The following ASMTL variants were observed in gnomAD, a reference collection of about 807,000 sequenced individuals.
ASMTL encodes the protein probable bifunctional dTTP/UTP pyrophosphatase/methyltransferase protein.
In ASMTL, 57 loss-of-function variants were observed where a neutral mutation model predicts 60.3. That is an observed-to-expected ratio of 0.95 (90% confidence interval 0.76 to 1.18). The LOEUF is 1.18. ASMTL is among the 50% of genes most tolerant of loss of function. The pLI is 0.00. For missense variants in ASMTL, 981 were observed against 852.6 expected (o/e 1.15, Z -1.88); for synonymous variants, 419 against 373.0 (o/e 1.12, Z -1.42).
chrX:1,413,292 G>A (rs2090107195), intron 11 of ASMTL, among the ~76,000 whole-genome samples: 1 of 152,244 alleles, frequency 6.6e-6, no homozygotes, highest in African/African-American at 2.4e-5. Context: ...AACCTGGGAG[G>A]TGGAGGTTGC....
intron 4 of ASMTL, 34 bp from the exon 5 acceptor site, chrX:1,435,117 G>T (rs1165236000): frequency 1.2e-6 from 2 of 1,610,814 alleles, no homozygotes; most frequent in Non-Finnish European, 1.7e-6. Flanking sequence ...ACGTGACCAT[G>T]CTGTGACCCG....
chrX:1,422,264 A>C (rs1435943447), intron 8 of ASMTL, among the ~76,000 whole-genome samples: 8 of 152,026 alleles, frequency 5.3e-5, no homozygotes, highest in Non-Finnish European at 8.8e-5. Flanking sequence ...TAACCCCCCA[A>C]AATGTGCATT....
chrX:1,428,759 G>A (rs1412283458), intron 6 of ASMTL, among the ~76,000 whole-genome samples: 1 of 146,228 alleles, frequency 6.8e-6, no homozygotes, highest in Non-Finnish European at 1.5e-5. Flanking sequence ...TCTCATCTAC[G>A]AATTGTGTGT....
chrX:1,419,244 A>G, intron 9 of ASMTL, 130 bp from the exon 10 acceptor site: 7 of 1,057,760 alleles, frequency 6.6e-6, no homozygotes, highest in Non-Finnish European at 9.6e-6. Flanking sequence ...TGGGCTGCAG[A>G]GCGGGCTTCA....
chrX:1,425,787 C>A, intron 7 of ASMTL, 100 bp from the exon 8 acceptor site: 1 of 1,234,284 alleles, frequency 8.1e-7, no homozygotes, highest in Non-Finnish European at 1.1e-6. Context: ...CGGAAGTATA[C>A]AACTTGGCCA....
chrX:1,444,964 G>A (rs148967398), intron 1 of ASMTL, among the ~76,000 whole-genome samples: 2,671 of 152,138 alleles, frequency 0.018, 55 homozygotes, highest in Non-Finnish European at 0.022. Flanking sequence ...CCCTTGCTTC[G>A]TCTTCCTCTC....
chrX:1,412,614 C>G (rs1374860548), intron 12 of ASMTL, 118 bp downstream of exon 12: 3 of 1,387,106 alleles, frequency 2.2e-6, no homozygotes, highest in African/African-American at 1.4e-5. Flanking sequence ...CCGCCCGCCT[C>G]GGCCTCCCAA....
At chrX:1,443,649 TCA>T (rs1226041210) in intron 1 of ASMTL, among the ~76,000 whole-genome samples, 2 of 2,588 alleles carry the variant, frequency 7.7e-4, no homozygotes, top group African/African-American at 1.1e-3. Flanking sequence ...GACACCGCCA[TCA>T]TGGACACACA....
At chrX:1,435,889 T>G (rs2149332452) in intron 3 of ASMTL, 131 bp from the exon 4 acceptor site, 2 of 781,184 alleles carry the variant, frequency 2.6e-6, no homozygotes, top group East Asian at 5.2e-5. Context: ...AGTCGCCATT[T>G]CAAACAACTA....
chrX:1,446,522 C>T (rs750359438), intron 1 of ASMTL, among the ~76,000 whole-genome samples: 18 of 123,708 alleles, frequency 1.5e-4, no homozygotes, highest in South Asian at 7.4e-4. Flanking sequence ...TTTTTTGAGA[C>T]GGAGTCTTGC....
chrX:1,424,026 C>A (rs2090545353), intron 8 of ASMTL, among the ~76,000 whole-genome samples: 1 of 150,866 alleles, frequency 6.6e-6, no homozygotes, highest in Non-Finnish European at 1.5e-5. Flanking sequence ...ATCTGTCCAT[C>A]CATCCATCCA....
chrX:1,432,022 C>T (rs2090804270), intron 6 of ASMTL: 9 of 573,778 alleles, frequency 1.6e-5, no homozygotes, highest in Non-Finnish European at 2.5e-5. Context: ...CTCCCCAGTC[C>T]CCACCGCAGC....
At chrX:1,442,012 T>C in intron 2 of ASMTL, 174 bp downstream of exon 2, 1 of 697,834 alleles carries the variant, frequency 1.4e-6, no homozygotes. Flanking sequence ...TCATTAATGG[T>C]ATTATTAGGT....
chrX:1,433,555 C>T (rs1201019986), intron 5 of ASMTL, among the ~76,000 whole-genome samples: 13 of 150,742 alleles, frequency 8.6e-5, no homozygotes. Context: ...GGTGGCGGGC[C>T]CGTCGTCCCA....
intron 7 of ASMTL, among the ~76,000 whole-genome samples, chrX:1,426,567 C>T (rs1247474505): frequency 6.6e-6 from 1 of 152,148 alleles, no homozygotes; most frequent in Non-Finnish European, 1.5e-5. Flanking sequence ...AAGATGGGGC[C>T]TCAGGCCGGG....
chrX:1,406,944 G>GATGA (rs2089875643), intron 12 of ASMTL, among the ~76,000 whole-genome samples: 2 of 151,904 alleles, frequency 1.3e-5, no homozygotes, highest in Admixed American at 1.3e-4. Context: ...GGATGAGATG[G>GATGA]ATGGGTGAAT....
intron 2 of ASMTL, among the ~76,000 whole-genome samples, chrX:1,440,109 T>C (rs1217243309): frequency 8.7e-5 from 13 of 149,680 alleles, no homozygotes; most frequent in Admixed American, 3.3e-4. Flanking sequence ...TTTTTTGAGA[T>C]GGAGTCTCGC....
chrX:1,447,248 A>G (rs761421003), intron 1 of ASMTL, among the ~76,000 whole-genome samples: 2 of 152,222 alleles, frequency 1.3e-5, no homozygotes, highest in African/African-American at 4.8e-5. Context: ...GTCTGGATTC[A>G]CAGAGCAGGA....
At chrX:1,427,615 G>A in intron 7 of ASMTL, 119 bp downstream of exon 7, 1 of 1,115,212 alleles carries the variant, frequency 9.0e-7, no homozygotes, top group Non-Finnish European at 1.3e-6. Flanking sequence ...GCATGGCCCT[G>A]AGACAACCTG....
Sources: gnomAD v4.1 joint callset for allele counts (sites outside exome capture counted in the v4.1 genomes callset) on GRCh38, gnomAD v4.1.1 for gene constraint, MANE v1.5 for transcripts, NCBI Gene and HGNC (gene_info 2026-07-23, HGNC 2026-07-21) for gene names.